The following ZNF805 variants were observed in gnomAD, a reference collection of about 807,000 sequenced individuals.
ZNF805 encodes zinc finger protein 805.
A neutral mutation model predicts 13.6 loss-of-function variants in ZNF805; 7 were observed. That is an observed-to-expected ratio of 0.51 (90% CI 0.29 to 0.97). The LOEUF (loss-of-function observed/expected upper bound fraction) is 0.97, where lower values mean the gene tolerates loss of function less well. Among genes scored for constraint, ZNF805 ranks in the 50% least tolerant of loss-of-function variants. ZNF805 has a pLI of 0.08. For missense variants in ZNF805, 604 were observed against 771.0 expected, an observed-to-expected ratio of 0.78 and a Z score of 2.57; for synonymous variants, 293 against 279.8, an observed-to-expected ratio of 1.05 and a Z score of -0.47.
In ZNF805 at chr19:57,255,624, T is replaced by C. The variant is rs2087683111; in HGVS notation, c.*921T>C. On this transcript the variant is annotated 3_prime_UTR_variant, in exon 4 of 4. Coordinates refer to ENST00000414468, the MANE Select transcript of ZNF805 (RefSeq NM_001023563.4). ...AGTGATTGTAAATGGCATTGATATT[T>C]AAAGTTTCAATATTCACATGATGTT... 6.6e-6 allele frequency among the ~76,000 whole-genome samples: 1 copy of C among 152,188 alleles called. No homozygotes were observed. The highest frequency in any genetic ancestry group is 1.5e-5 in the Non-Finnish European group (1 of 67,988).
chr19:57,249,179 A>G (rs2087636837), intron 3 of ZNF805, among the ~76,000 whole-genome samples: 1 of 152,214 alleles, frequency 6.6e-6, no homozygotes, highest in Non-Finnish European at 1.5e-5. Flanking sequence ...TTGTCCTGAC[A>G]TCTTCTTGCT....
At chr19:57,248,780 G>A (rs1203641485) in intron 3 of ZNF805, 80 bp downstream of exon 3, 1 of 1,292,888 alleles carries the variant, frequency 7.7e-7, no homozygotes, top group Non-Finnish European at 1.1e-6. Context: ...GGATCTCTTG[G>A]GAAGCTTCTC....
At chr19:57,245,584 C>T (rs866841280) in intron 2 of ZNF805, among the ~76,000 whole-genome samples, 32 of 149,244 alleles carry the variant, frequency 2.1e-4, no homozygotes, top group Middle Eastern at 3.5e-3. Flanking sequence ...TAGAGACCAT[C>T]CTGGCTAACA....
intron 3 of ZNF805, among the ~76,000 whole-genome samples, chr19:57,250,061 C>T (rs191089282): frequency 2.7e-4 from 41 of 152,404 alleles, no homozygotes; most frequent in South Asian, 1.2e-3. Context: ...CCCAAGTTTC[C>T]GTGAATGGTT....
chr19:57,246,860 G>A (rs1191715480), intron 2 of ZNF805, among the ~76,000 whole-genome samples: 1 of 151,970 alleles, frequency 6.6e-6, no homozygotes, highest in Non-Finnish European at 1.5e-5. Flanking sequence ...TCCAGGCAGT[G>A]TTCATGCTCC....
At chr19:57,249,564 T>C (rs2087639351) in intron 3 of ZNF805, among the ~76,000 whole-genome samples, 3 of 152,166 alleles carry the variant, frequency 2.0e-5, no homozygotes, top group Non-Finnish European at 2.9e-5. Context: ...ATATAAACAT[T>C]GATGAGTGAT....
In ZNF805 at chr19:57,256,019, A is replaced by AT. The variant is rs1382201878; in HGVS notation, c.*1323dup. ...TTCCCTCTATTCCTAATTTGCTGGGATTTTTTTGGTTATTATTAATAAGTG... is the reference window on the plus strand; with the variant it reads ...TTCCCTCTATTCCTAATTTGCTGGGATTTTTTTTGGTTATTATTAATAAGTG... On this transcript the variant is annotated 3_prime_UTR_variant, in exon 4 of 4. Coordinates refer to ENST00000414468, the MANE Select transcript of ZNF805 (RefSeq NM_001023563.4). Among the ~76,000 whole-genome samples, 3 of 151,932 alleles carry AT rather than the reference A, an allele frequency of 2.0e-5. No homozygotes were observed. The highest frequency in any genetic ancestry group is 3.4e-3 in the Middle Eastern group (1 of 294).
chr19:57,250,766 T>C (rs1352490012), intron 3 of ZNF805, among the ~76,000 whole-genome samples: 2 of 152,232 alleles, frequency 1.3e-5, no homozygotes, highest in African/African-American at 4.8e-5. Flanking sequence ...TTCTATTGTT[T>C]AATCGGCAGT....
chr19:57,253,733 A>G lies in ZNF805; in HGVS notation c.914A>G (p.His305Arg). 6.2e-7 allele frequency: 1 copy of G among 1,614,088 alleles called. No homozygotes were observed. The highest frequency in any genetic ancestry group is 8.5e-7 in the Non-Finnish European group (1 of 1,180,020). The stretch of plus-strand genomic sequence containing the variant: ...ACCCACCGCTCCACTTTTGTCTTGC[A>G]TAACAGGAGCCACACTGGAGAAAAA... ...AFTHRSTFVL[H>R]NRSHTGEKPF... is the part of the protein sequence containing the mutation. The change falls in exon 4 of 4, where the codon CAT (histidine) becomes CGT (arginine). Residue 305 changes from histidine to arginine, a missense_variant. Coordinates refer to ENST00000414468, the MANE Select transcript of ZNF805 (RefSeq NM_001023563.4). The surrounding 1 kb of genome is among the most constrained non-coding windows in gnomAD (Gnocchi z 4.4).
In ZNF805 at chr19:57,255,479, G is replaced by A. The variant is rs2087682354; in HGVS notation, c.*776G>A. Among the ~76,000 whole-genome samples, 1 of 152,078 alleles carries A rather than the reference G, an allele frequency of 6.6e-6. No homozygotes were observed. The highest frequency in any genetic ancestry group is 1.5e-5 in the Non-Finnish European group (1 of 67,970). ...TTGGCATCTTAGTCTTCCAATTCAT[G>A]AACATAGCCTATCTTTTCATTATTT... On this transcript the variant is annotated 3_prime_UTR_variant, in exon 4 of 4. Coordinates refer to ENST00000414468, the MANE Select transcript of ZNF805 (RefSeq NM_001023563.4).
At position 57,255,996 on chromosome 19, in the gene ZNF805, C is replaced by T. The variant is rs925028573; in HGVS notation, c.*1293C>T. ...TTTCTCTATCGAGTTTAGAAAGTTTCCCTCTATTCCTAATTTGCTGGGATT... is the reference window on the plus strand; with the variant it reads ...TTTCTCTATCGAGTTTAGAAAGTTTTCCTCTATTCCTAATTTGCTGGGATT... On this transcript the variant is annotated 3_prime_UTR_variant, in exon 4 of 4. Transcript: ENST00000414468. Among the ~76,000 whole-genome samples the T allele has an allele frequency of 6.6e-6, 1 of 151,986 alleles. No homozygotes were observed. The highest frequency in any genetic ancestry group is 2.4e-5 in the African/African-American group (1 of 41,412).
chr19:57,242,127 CA>C (rs2087583498), intron 1 of ZNF805, among the ~76,000 whole-genome samples: 1 of 152,228 alleles, frequency 6.6e-6, no homozygotes, highest in African/African-American at 2.4e-5. Context: ...CTGCTGTACA[CA>C]AGAGGAGGTC....
In ZNF805 at chr19:57,246,933, C is replaced by T. The variant is rs116394927; in HGVS notation, c.158-1672C>T. ...GGAAAATTTAGCCACTCCTGTGAGT[C>T]CCTCATCCAGTTTAACTTACTCAGC... On this transcript the variant is annotated intron_variant, in intron 2 of 3. Coordinates refer to ENST00000414468, the MANE Select transcript of ZNF805 (RefSeq NM_001023563.4). Among the ~76,000 whole-genome samples the T allele has an allele frequency of 2.6e-3, 403 of 152,286 alleles. 3 individuals carry two copies. The highest frequency in any genetic ancestry group is 9.3e-3 in the African/African-American group (385 of 41,544).
At position 57,254,720 on chromosome 19, in the gene ZNF805, C is replaced by T. The variant is rs369633757; in HGVS notation, c.*17C>T. 2 of 1,589,712 alleles carry T rather than the reference C, an allele frequency of 1.3e-6. No individual in the cohort carries two copies. The highest frequency in any genetic ancestry group is 2.7e-5 in the African/African-American group (2 of 73,916). ...TCACTGTGAGAAAACCTTCTGTTGCCAAATGTCATTTGTCACCTAAGGAGT... is the reference window on the plus strand; with the variant it reads ...TCACTGTGAGAAAACCTTCTGTTGCTAAATGTCATTTGTCACCTAAGGAGT... On this transcript the variant is annotated 3_prime_UTR_variant, in exon 4 of 4. Coordinates refer to ENST00000414468, the MANE Select transcript of ZNF805 (RefSeq NM_001023563.4).
At chr19:57,245,573 A>AT (rs1361977179) in intron 2 of ZNF805, among the ~76,000 whole-genome samples, 6 of 149,902 alleles carry the variant, frequency 4.0e-5, no homozygotes, top group African/African-American at 1.5e-4. Flanking sequence ...AGGTCAGGAG[A>AT]TAGAGACCAT....
At chr19:57,245,527 C>G (rs941094550) in intron 2 of ZNF805, among the ~76,000 whole-genome samples, 10 of 151,888 alleles carry the variant, frequency 6.6e-5, no homozygotes, top group Non-Finnish European at 1.2e-4. Context: ...TGCCTGTAAT[C>G]CCAGCACTTT....
rs907114874 is a variant in ZNF805, at chr19:57,259,951, A to C, written c.*5248A>C. Among the ~76,000 whole-genome samples the C allele has an allele frequency of 6.6e-6, 1 of 152,218 alleles. No individual in the cohort carries two copies. The highest frequency in any genetic ancestry group is 1.5e-5 in the Non-Finnish European group (1 of 68,030). ...TGAATAGAAATCCTAAATTATCTGG[A>C]GGAGTAGAAGTCCTGTAATCTTTTA... On this transcript the variant is annotated 3_prime_UTR_variant, in exon 4 of 4. Coordinates refer to ENST00000414468, the MANE Select transcript of ZNF805 (RefSeq NM_001023563.4).
At chr19:57,245,714 G>A (rs1340315727) in intron 2 of ZNF805, among the ~76,000 whole-genome samples, 2 of 151,766 alleles carry the variant, frequency 1.3e-5, no homozygotes, top group Admixed American at 6.6e-5. Flanking sequence ...AGGAGGCGGA[G>A]CTTGCAGTGA....
At position 57,258,925 on chromosome 19, in the gene ZNF805, T is replaced by G. The variant is rs1313760712; in HGVS notation, c.*4222T>G. On this transcript the variant is annotated 3_prime_UTR_variant, in exon 4 of 4. Coordinates refer to ENST00000414468, the MANE Select transcript of ZNF805 (RefSeq NM_001023563.4). The stretch of plus-strand genomic sequence containing the variant: ...TCCCTTCATTCCTGAGGGATATTTT[T>G]GTGGGATAATAGGATTTAGGGTCTG... 1.3e-5 allele frequency among the ~76,000 whole-genome samples: 2 copies of G among 152,228 alleles called. No individual in the cohort carries two copies. Among genetic ancestry groups the G allele is most frequent in the Non-Finnish European group, 2.9e-5 (2 of 68,038 alleles).
Sources: gnomAD v4.1 joint callset for allele counts (sites outside exome capture counted in the v4.1 genomes callset) on GRCh38, gnomAD v4.1.1 for gene constraint, Gnocchi (gnomAD v3.1) non-coding constraint, MANE v1.5 for transcripts, NCBI Gene and HGNC (gene_info 2026-07-23, HGNC 2026-07-21) for gene names.